The following CUX1 variants were observed in gnomAD, a reference collection of about 807,000 sequenced individuals.
CUX1 encodes protein CASP.
A neutral mutation model predicts 158.8 loss-of-function variants in CUX1; 31 were observed. That is an observed-to-expected ratio of 0.20 (90% CI 0.15 to 0.26). CUX1 has a LOEUF of 0.26. CUX1 is among the 10% of genes least tolerant of loss of function. The pLI is 1.00. For missense variants in CUX1, 1,589 were observed against 2,014.6 expected, an observed-to-expected ratio of 0.79 and a Z score of 4.04; for synonymous variants, 879 against 862.1, an observed-to-expected ratio of 1.02 and a Z score of -0.34.
chr7:101,908,309 C>G (rs1471929555), intron 1 of CUX1, among the ~76,000 whole-genome samples: 2 of 152,206 alleles, frequency 1.3e-5, no homozygotes, highest in African/African-American at 4.8e-5. Flanking sequence ...CCATGCCTGG[C>G]TGATTTTTGT....
At chr7:102,008,043 A>G (rs1817582362) in intron 2 of CUX1, among the ~76,000 whole-genome samples, 1 of 152,006 alleles carries the variant, frequency 6.6e-6, no homozygotes, top group Non-Finnish European at 1.5e-5. Flanking sequence ...TGGTTCTGTT[A>G]CCTTCGTCCA....
intron 2 of CUX1, among the ~76,000 whole-genome samples, chr7:101,966,984 G>T (rs915043481): frequency 6.6e-6 from 1 of 151,940 alleles, no homozygotes; most frequent in African/African-American, 2.4e-5. Flanking sequence ...CTTTGCAGAG[G>T]GATCATTTGG....
chr7:102,085,346 G>A (rs1233631098), intron 4 of CUX1, among the ~76,000 whole-genome samples: 1 of 152,082 alleles, frequency 6.6e-6, no homozygotes, highest in Non-Finnish European at 1.5e-5. Context: ...ATATGGTTTG[G>A]CTGTGTTCCC....
chr7:102,222,795 T>C (rs1287441150), intron 20 of CUX1, among the ~76,000 whole-genome samples: 2 of 145,624 alleles, frequency 1.4e-5, no homozygotes, highest in Admixed American at 1.4e-4. Flanking sequence ...TGGCTGTGTG[T>C]CTCGGGGCAC....
rs10643207 is a variant in CUX1 at position 101,976,900 on chromosome 7, A to ATTTTTTTTTTTTTTTTTTTTTTTT, written c.142-51193_142-51170dup. On this transcript the variant is annotated intron_variant, in intron 2 of 23. Transcript: ENST00000292535. ...ATTTGAATAGTCTTTTCCCTTTCTG[A>ATTTTTTTTTTTTTTTTTTTTTTTT]TTTTTTTTTTTTTTTTTTTTTTTTT... 1.3e-4 allele frequency among the ~76,000 whole-genome samples: 5 copies of ATTTTTTTTTTTTTTTTTTTTTTTT among 39,462 alleles called. 1 individual carries two copies. Among genetic ancestry groups the ATTTTTTTTTTTTTTTTTTTTTTTT allele is most frequent in the Admixed American group, 4.3e-4 (1 of 2,350 alleles). 25.9% of individuals were successfully genotyped at this position (39,462 alleles called of 152,430 possible).
At chr7:101,962,038 T>TAG (rs958779288) in intron 2 of CUX1, 1 of 152,130 alleles carries the variant, frequency 6.6e-6, no homozygotes, top group African/African-American at 2.4e-5. Context: ...AAGTCTCCTT[T>TAG]AGGGAGCAGG....
chr7:102,028,577 A>G (rs1377581014), intron 3 of CUX1, among the ~76,000 whole-genome samples: 1 of 152,188 alleles, frequency 6.6e-6, no homozygotes, highest in African/African-American at 2.4e-5. Flanking sequence ...CCACTTGATC[A>G]CAGGCTTGAA....
intron 8 of CUX1, among the ~76,000 whole-genome samples, chr7:102,155,305 A>G (rs1554504841): frequency 1.3e-5 from 2 of 151,248 alleles, no homozygotes; most frequent in Non-Finnish European, 2.9e-5. Context: ...GCACTTTGGG[A>G]GGCCAAAGCG....
intron 2 of CUX1, among the ~76,000 whole-genome samples, chr7:101,931,764 A>G (rs1381103307): frequency 2.0e-5 from 3 of 152,050 alleles, no homozygotes; most frequent in African/African-American, 4.8e-5. Flanking sequence ...GGTTCTCACT[A>G]TGTTACGCAC....
At chr7:101,918,722 A>T (rs989274698) in intron 2 of CUX1, among the ~76,000 whole-genome samples, 1 of 152,192 alleles carries the variant, frequency 6.6e-6, no homozygotes, top group Admixed American at 6.5e-5. Flanking sequence ...CCAAGACGAG[A>T]CCCACTTCAC....
intron 8 of CUX1, among the ~76,000 whole-genome samples, chr7:102,139,641 A>G (rs1834240194): frequency 2.0e-5 from 3 of 152,090 alleles, no homozygotes; most frequent in African/African-American, 7.2e-5. Flanking sequence ...TAAAAATTAA[A>G]ACCACTTTCC....
chr7:101,840,528 A>C (rs1394833590), intron 1 of CUX1, among the ~76,000 whole-genome samples: 1 of 152,146 alleles, frequency 6.6e-6, no homozygotes, highest in Non-Finnish European at 1.5e-5. Flanking sequence ...AATGTGGTAA[A>C]TTACATTGAT....
intron 2 of CUX1, among the ~76,000 whole-genome samples, chr7:102,012,428 T>C (rs1226971126): frequency 2.6e-5 from 4 of 152,216 alleles, no homozygotes; most frequent in Non-Finnish European, 5.9e-5. Flanking sequence ...CCTCAAGTCA[T>C]GCACCTGGCT....
chr7:102,193,914 A>G, intron 13 of CUX1, 24 bp downstream of exon 13: 2 of 1,613,182 alleles, frequency 1.2e-6, no homozygotes, highest in Non-Finnish European at 1.7e-6. Context: ...CTCAATGGTC[A>G]GCACTAGCAT....
At position 102,253,249 on chromosome 7, in the gene CUX1, C is replaced by A. The variant is rs1265223872; in HGVS notation, c.*4207C>A. On this transcript the variant is annotated 3_prime_UTR_variant, in exon 24 of 24. Coordinates refer to ENST00000292535, the MANE Select transcript of CUX1 (RefSeq NM_181552.4). ...GTTAAATATTCCTTTCTGGCCACCG[C>A]CCAAGCCCAGGTGGCCAGCTCTCAT... 6.1e-6 allele frequency: 6 copies of A among 985,488 alleles called. No homozygotes were observed. Among genetic ancestry groups the A allele is most frequent in the Admixed American group, 6.1e-5 (1 of 16,268 alleles). 61.0% of individuals were successfully genotyped at this position (985,488 alleles called of 1,614,324 possible).
At chr7:102,107,911 C>T (rs1193423843) in intron 6 of CUX1, among the ~76,000 whole-genome samples, 2 of 152,226 alleles carry the variant, frequency 1.3e-5, no homozygotes, top group African/African-American at 2.4e-5. Flanking sequence ...TCCATCGTCC[C>T]TGGGGGAGCG....
intron 1 of CUX1, among the ~76,000 whole-genome samples, chr7:101,858,331 G>A (rs73712576): frequency 0.034 from 5,250 of 152,180 alleles, 296 homozygotes; most frequent in African/African-American, 0.12. Context: ...TTTAGAGGCC[G>A]ACTTTGGTTT....
chr7:102,275,461 CA>C, intron 17 of CUX1: 1 of 925,482 alleles, frequency 1.1e-6, no homozygotes, highest in South Asian at 1.6e-5. Context: ...CCGTAAACCT[CA>C]GGGGGAAGAG....
At chr7:102,101,480 T>G (rs989449499) in intron 5 of CUX1, among the ~76,000 whole-genome samples, 1 of 152,028 alleles carries the variant, frequency 6.6e-6, no homozygotes, top group African/African-American at 2.4e-5. Flanking sequence ...CTCACCCGGG[T>G]CCAGGGGGTG....
Sources: gnomAD v4.1 joint callset for allele counts (sites outside exome capture counted in the v4.1 genomes callset) on GRCh38, gnomAD v4.1.1 for gene constraint, MANE v1.5 for transcripts, NCBI Gene and HGNC (gene_info 2026-07-23, HGNC 2026-07-21) for gene names.